CCDC138: variants seen among roughly 807,000 people sequenced by gnomAD.
CCDC138 encodes coiled-coil domain-containing protein 138.
A neutral mutation model predicts 82.3 loss-of-function variants in CCDC138; 66 were observed. The ratio of observed to expected loss-of-function variants is 0.80; its 90% CI spans 0.66 to 0.98. CCDC138 has a LOEUF of 0.98. Ranked by LOEUF, CCDC138 falls within the 50% of genes least tolerant of loss-of-function variation. CCDC138 has a pLI of 0.00. For synonymous variants in CCDC138, 297 were observed against 265.4 expected (o/e 1.12, Z -1.16); for missense variants, 816 against 758.9 (o/e 1.08, Z -0.88).
At position 108,796,060 on chromosome 2, in the gene CCDC138, A is replaced by T. The variant is rs201162028; in HGVS notation, c.576+1339A>T. ...ATAGTTTATTTTTATTTATTTATTT[A>T]TTTTTTTGAGACGGAGTCTCACTCT... On this transcript the variant is annotated intron_variant, in intron 5 of 14. Transcript: ENST00000295124. Among the ~76,000 whole-genome samples, 169 of 152,084 alleles carry T rather than the reference A, an allele frequency of 1.1e-3. 1 individual carries two copies. The highest frequency in any genetic ancestry group is 3.8e-3 in the African/African-American group (158 of 41,492).
chr2:108,877,574 AG>A (rs1696114798), downstream of CCDC138, among the ~76,000 whole-genome samples: 2 of 145,396 alleles, frequency 1.4e-5, no homozygotes, highest in South Asian at 4.6e-4. Context: ...ACAAACCAAA[AG>A]GTGTCTCGGA....
chr2:108,854,399 T>C (rs1260069960), intron 12 of CCDC138, among the ~76,000 whole-genome samples: 1 of 152,014 alleles, frequency 6.6e-6, no homozygotes, highest in Non-Finnish European at 1.5e-5. Flanking sequence ...CTTTTTTGTT[T>C]GTTTGTTTTA....
intron 13 of CCDC138, among the ~76,000 whole-genome samples, chr2:108,870,498 T>C (rs1476606222): frequency 2.0e-5 from 3 of 152,034 alleles, no homozygotes; most frequent in Non-Finnish European, 4.4e-5. Context: ...GCTCTACAAA[T>C]CAAAGAAACT....
intron 13 of CCDC138, among the ~76,000 whole-genome samples, chr2:108,868,623 A>G (rs977432482): frequency 6.6e-6 from 1 of 152,126 alleles, no homozygotes; most frequent in African/African-American, 2.4e-5. Context: ...GGCCAGTAAG[A>G]TGGAAACTAG....
chr2:108,818,819 A>G (rs1685192595), intron 10 of CCDC138, among the ~76,000 whole-genome samples: 1 of 149,330 alleles, frequency 6.7e-6, no homozygotes, highest in South Asian at 2.2e-4. Flanking sequence ...GAAACTTCTG[A>G]CTTTTTTTTT....
chr2:108,848,782 T>G (rs4676209), intron 12 of CCDC138, among the ~76,000 whole-genome samples: 1 of 151,960 alleles, frequency 6.6e-6, no homozygotes, highest in Non-Finnish European at 1.5e-5. Context: ...ATTTATTTAA[T>G]AAATCAAAAT....
intron 11 of CCDC138, among the ~76,000 whole-genome samples, chr2:108,839,867 C>A (rs1165187638): frequency 3.3e-5 from 5 of 150,832 alleles, no homozygotes; most frequent in Non-Finnish European, 4.4e-5. Context: ...ATTTCCTTTT[C>A]CTACCTTATT....
chr2:108,843,127 G>A (rs1423314015), intron 11 of CCDC138, among the ~76,000 whole-genome samples: 3 of 152,042 alleles, frequency 2.0e-5, no homozygotes, highest in Non-Finnish European at 4.4e-5. Context: ...TATCTGTTTA[G>A]AGGACTTCTT....
At chr2:108,880,194 A>G (rs1170446265), downstream of CCDC138, among the ~76,000 whole-genome samples, 2 of 14,856 alleles carry the variant, frequency 1.3e-4, no homozygotes, top group Non-Finnish European at 5.4e-4. Flanking sequence ...GGTAACTTAA[A>G]AAAAAAAAAC....
intron 13 of CCDC138, among the ~76,000 whole-genome samples, chr2:108,865,550 C>A (rs1694287345): frequency 6.6e-6 from 1 of 152,180 alleles, no homozygotes; most frequent in Non-Finnish European, 1.5e-5. Flanking sequence ...CTGGAGAAGA[C>A]CCTCACCAAT....
rs754255411 is a variant in CCDC138, at chr2:108,876,273, T to C, written c.*20T>C. The C allele has an allele frequency of 4.8e-6, 7 of 1,466,598 alleles. No homozygotes were observed. In the Admixed American group the frequency reaches 7.6e-5, roughly 16 times the overall value. The allele number at this position is 1,466,598 out of a possible 1,614,324, so 90.8% of individuals were successfully genotyped here. On this transcript the variant is annotated 3_prime_UTR_variant, in exon 15 of 15. Transcript: ENST00000295124. ...CCTTAGACTGGCTAATTTTTTAATATAGTATATGTGGTGCTTATTTATAAA... is the reference window on the plus strand; with the variant it reads ...CCTTAGACTGGCTAATTTTTTAATACAGTATATGTGGTGCTTATTTATAAA...
Position 108,804,998 on chromosome 2 carries a change from TA to T in CCDC138, c.852del (p.Lys284AsnfsTer3). On this transcript the variant is annotated frameshift_variant, in exon 7 of 15. Transcript: ENST00000295124. LOFTEE classifies it high-confidence loss of function. ...FDALKELNDT[L>X]KKQLNEASEE... is the part of the protein sequence containing the mutation. ...GCATTGAAAGAATTGAATGATACCT[TA>T]AAAAAACAGGTAAGACCTGTTTTAA... 2 of 1,526,864 alleles carry T rather than the reference TA, an allele frequency of 1.3e-6. No homozygotes were observed. Among genetic ancestry groups the T allele is most frequent in the Non-Finnish European group, 1.8e-6 (2 of 1,141,096 alleles). The allele number at this position is 1,526,864 out of a possible 1,614,324, so 94.6% of individuals were successfully genotyped here.
At chr2:108,850,421 A>G (rs538690622) in intron 12 of CCDC138, among the ~76,000 whole-genome samples, 4 of 152,274 alleles carry the variant, frequency 2.6e-5, no homozygotes, top group African/African-American at 9.6e-5. Context: ...AAGAATCAGC[A>G]TATATAATAC....
chr2:108,874,476 C>T (rs1432472036), intron 14 of CCDC138, among the ~76,000 whole-genome samples: 1 of 152,076 alleles, frequency 6.6e-6, no homozygotes, highest in Non-Finnish European at 1.5e-5. Flanking sequence ...AATCTGGACA[C>T]CTTCTATCTC....
chr2:108,849,560 T>A (rs954663740), intron 12 of CCDC138, among the ~76,000 whole-genome samples: 1 of 152,044 alleles, frequency 6.6e-6, no homozygotes, highest in African/African-American at 2.4e-5. Flanking sequence ...CTGCCTTCAC[T>A]CTCTAGTCTC....
At chr2:108,788,456 C>CGTGA (rs1679316443) in intron 2 of CCDC138, among the ~76,000 whole-genome samples, 2 of 151,412 alleles carry the variant, frequency 1.3e-5, no homozygotes, top group Non-Finnish European at 2.9e-5. Flanking sequence ...CGGTGGCTCA[C>CGTGA]GCCTGTAATC....
At chr2:108,851,797 C>T (rs1303960645) in intron 12 of CCDC138, among the ~76,000 whole-genome samples, 1 of 152,198 alleles carries the variant, frequency 6.6e-6, no homozygotes, top group African/African-American at 2.4e-5. Flanking sequence ...ACACACCCAA[C>T]ATCATAACAA....
intron 7 of CCDC138, among the ~76,000 whole-genome samples, chr2:108,810,452 C>T (rs564228757): frequency 2.3e-4 from 35 of 152,300 alleles, no homozygotes; most frequent in Non-Finnish European, 3.2e-4. Context: ...TCTGTTAAAA[C>T]GTGATTATCA....
chr2:108,861,412 G>A (rs1169962149), intron 13 of CCDC138, among the ~76,000 whole-genome samples: 1 of 151,148 alleles, frequency 6.6e-6, no homozygotes. Flanking sequence ...TGTGACATTA[G>A]GTTGTTAATT....
Sources: allele counts gnomAD v4.1 joint callset (sites outside exome capture counted in the v4.1 genomes callset), GRCh38; gene constraint gnomAD v4.1.1; transcripts MANE v1.5; gene names NCBI Gene and HGNC (gene_info 2026-07-23, HGNC 2026-07-21).